PEX5L: variants seen among roughly 807,000 people sequenced by gnomAD.
The protein encoded by PEX5L is peroxisomal biogenesis factor 5 like.
Under a neutral mutation model 84.0 loss-of-function variants are expected in PEX5L, and 30 were observed. That is an observed-to-expected ratio of 0.36 (90% confidence interval 0.27 to 0.48). The LOEUF (loss-of-function observed/expected upper bound fraction) is 0.48, where lower values mean the gene tolerates loss of function less well. PEX5L is among the 20% of genes least tolerant of loss of function. PEX5L has a pLI of 0.99. For synonymous variants in PEX5L, 270 were observed against 283.1 expected (o/e 0.95, Z 0.46); for missense variants, 533 against 754.6 (o/e 0.71, Z 3.44).
rs1403100571 is a variant in PEX5L at position 179,795,818 on chromosome 3, C to A, written c.*6010G>T. ...AGATATATAAAATATGTAGAAATGTCTTTTCTAAATAGTTAAATGTTTGTT... is the reference window on the plus strand; with the variant it reads ...AGATATATAAAATATGTAGAAATGTATTTTCTAAATAGTTAAATGTTTGTT... On this transcript the variant is annotated 3_prime_UTR_variant, in exon 15 of 15. Coordinates refer to ENST00000467460, the MANE Select transcript of PEX5L (RefSeq NM_016559.3). 6.6e-6 allele frequency: 1 copy of A among 151,876 alleles called. No homozygotes were observed. The highest frequency in any genetic ancestry group is 1.9e-4 in the East Asian group (1 of 5,194). The allele number at this position is 151,876 out of a possible 1,614,324, so 9.4% of individuals were successfully genotyped here. A position where few individuals can be genotyped will look rare whatever the true frequency, so the allele number is the denominator to read the frequency against.
chr3:180,007,679 C>T (rs1177975196), intron 1 of PEX5L, among the ~76,000 whole-genome samples: 2 of 152,260 alleles, frequency 1.3e-5, no homozygotes, highest in Non-Finnish European at 2.9e-5. Flanking sequence ...GGTTCCCAAA[C>T]CTCAATTCTT....
At chr3:179,962,732 T>A (rs766633050) in intron 2 of PEX5L, among the ~76,000 whole-genome samples, 8 of 152,212 alleles carry the variant, frequency 5.3e-5, no homozygotes, top group Non-Finnish European at 1.0e-4. Context: ...AATAAAAGGC[T>A]GAATAGGTTT....
intron 1 of PEX5L, among the ~76,000 whole-genome samples, chr3:180,002,309 T>C (rs577599035): frequency 6.6e-6 from 1 of 152,278 alleles, no homozygotes; most frequent in African/African-American, 2.4e-5. Flanking sequence ...TGTTTTACGA[T>C]GTTGCCAGGT....
chr3:179,937,088 T>C (rs938764938), intron 2 of PEX5L, among the ~76,000 whole-genome samples: 1 of 152,172 alleles, frequency 6.6e-6, no homozygotes, highest in Non-Finnish European at 1.5e-5. Context: ...TATATACATA[T>C]ACAAGGTGCT....
chr3:179,892,466 T>C (rs1757915227), intron 3 of PEX5L, among the ~76,000 whole-genome samples: 1 of 152,152 alleles, frequency 6.6e-6, no homozygotes, highest in Non-Finnish European at 1.5e-5. Context: ...AGAGTAGAGA[T>C]CTCATCCAAG....
In PEX5L at chr3:179,795,335, A is replaced by C. The variant is rs1367945403; in HGVS notation, c.*6493T>G. On this transcript the variant is annotated 3_prime_UTR_variant, in exon 15 of 15. Transcript: ENST00000467460. ...AAAAAGGGAAGGCATGCTTCCAATA[A>C]TAGTACAAAAATACTACCTTAATCT... The C allele has an allele frequency of 1.3e-5, 2 of 152,260 alleles. No individual in the cohort carries two copies. Among genetic ancestry groups the C allele is most frequent in the Non-Finnish European group, 2.9e-5 (2 of 68,042 alleles). The allele number at this position is 152,260 out of a possible 1,614,324, so 9.4% of individuals were successfully genotyped here.
intron 8 of PEX5L, among the ~76,000 whole-genome samples, chr3:179,858,780 C>A (rs1262562475): frequency 6.6e-6 from 1 of 152,192 alleles, no homozygotes; most frequent in African/African-American, 2.4e-5. Flanking sequence ...ACTCAGAGTT[C>A]TTTCTGACCC....
chr3:180,026,294 A>G (rs1649328668), intron 1 of PEX5L, among the ~76,000 whole-genome samples: 1 of 151,928 alleles, frequency 6.6e-6, no homozygotes, highest in South Asian at 2.1e-4. Context: ...TTTTAATTTA[A>G]TCTTTCCTCA....
chr3:180,012,076 G>A (rs924814202), intron 1 of PEX5L, among the ~76,000 whole-genome samples: 1 of 152,156 alleles, frequency 6.6e-6, no homozygotes, highest in Non-Finnish European at 1.5e-5. Flanking sequence ...GAAGGGAAAC[G>A]TGTGGCCTAA....
intron 10 of PEX5L, 49 bp downstream of exon 10, chr3:179,815,812 G>C: frequency 6.2e-7 from 1 of 1,601,954 alleles, no homozygotes; most frequent in Non-Finnish European, 8.5e-7. Flanking sequence ...TCTGTCCCTT[G>C]TTAGCACATG....
At chr3:179,802,098 CAAAACA>C in intron 14 of PEX5L, 66 bp from the exon 15 acceptor site, 1 of 1,145,982 alleles carries the variant, frequency 8.7e-7, no homozygotes, top group East Asian at 2.3e-5. Flanking sequence ...GTAAACAAAA[CAAAACA>C]AAATTGGATT....
chr3:179,954,203 TCGG>T (rs755190270), intron 2 of PEX5L, among the ~76,000 whole-genome samples: 1,890 of 108,100 alleles, frequency 0.017, 32 homozygotes, highest in Non-Finnish European at 0.025. Flanking sequence ...TAACCATTAG[TCGG>T]GGGGGGGGGA....
chr3:179,943,371 C>T (rs1776670256), intron 2 of PEX5L, among the ~76,000 whole-genome samples: 3 of 152,208 alleles, frequency 2.0e-5, no homozygotes, highest in African/African-American at 4.8e-5. Flanking sequence ...CAATTAATCA[C>T]ATCTACTTCC....
chr3:179,946,158 G>T (rs1261050144), intron 2 of PEX5L, among the ~76,000 whole-genome samples: 1 of 152,036 alleles, frequency 6.6e-6, no homozygotes, highest in Non-Finnish European at 1.5e-5. Flanking sequence ...CCTCATCCAA[G>T]GGCTCTGATT....
intron 2 of PEX5L, among the ~76,000 whole-genome samples, chr3:179,910,007 A>G (rs1764629179): frequency 6.6e-6 from 1 of 152,196 alleles, no homozygotes; most frequent in African/African-American, 2.4e-5. Context: ...CAGTAATAGA[A>G]CAACCACCCA....
At chr3:179,815,304 G>A (rs982125767) in intron 10 of PEX5L, among the ~76,000 whole-genome samples, 4 of 152,194 alleles carry the variant, frequency 2.6e-5, no homozygotes, top group Admixed American at 1.3e-4. Flanking sequence ...GAAATCTACC[G>A]CTGGGCGCGG....
At chr3:180,007,450 A>T (rs1228117616) in intron 1 of PEX5L, among the ~76,000 whole-genome samples, 2 of 152,160 alleles carry the variant, frequency 1.3e-5, no homozygotes, top group Non-Finnish European at 2.9e-5. Flanking sequence ...TGGATCTACC[A>T]TTCTGGAGTC....
At chr3:179,855,145 G>A (rs1396046405) in intron 8 of PEX5L, among the ~76,000 whole-genome samples, 2 of 152,178 alleles carry the variant, frequency 1.3e-5, no homozygotes, top group Admixed American at 1.3e-4. Flanking sequence ...GCTCAGTAAG[G>A]GGACTGAGAA....
intron 1 of PEX5L, among the ~76,000 whole-genome samples, chr3:180,032,286 T>C (rs1050506392): frequency 6.6e-6 from 1 of 152,104 alleles, no homozygotes; most frequent in Admixed American, 6.5e-5. Flanking sequence ...ACCTATAAGA[T>C]GACATTTGAG....
Sources: gnomAD v4.1 joint callset for allele counts (sites outside exome capture counted in the v4.1 genomes callset) on GRCh38, gnomAD v4.1.1 for gene constraint, MANE v1.5 for transcripts, NCBI Gene and HGNC (gene_info 2026-07-23, HGNC 2026-07-21) for gene names.